Variants in DLG2 observed in about 807,000 individuals in gnomAD.
DLG2 encodes the protein discs large MAGUK scaffold protein 2, also known as disks large homolog 2.
DLG2 carries 45 observed loss-of-function variants against 132.5 expected under a neutral mutation model. That is an observed-to-expected ratio of 0.34 (90% confidence interval 0.27 to 0.44). The LOEUF (loss-of-function observed/expected upper bound fraction) is 0.44. DLG2 is among the 20% of genes least tolerant of loss of function. The pLI is 1.00. For synonymous variants in DLG2, 424 were observed against 419.6 expected (o/e 1.01, Z -0.13); for missense variants, 1,045 against 1,196.9 (o/e 0.87, Z 1.87).
At chr11:85,286,876 C>A (rs1159163988) in intron 3 of DLG2, among the ~76,000 whole-genome samples, 1 of 151,870 alleles carries the variant, frequency 6.6e-6, no homozygotes, top group Non-Finnish European at 1.5e-5. Flanking sequence ...TCTTATAGCC[C>A]CAGCAAATAA....
chr11:84,741,320 C>T (rs2064631197), intron 6 of DLG2, among the ~76,000 whole-genome samples: 1 of 152,030 alleles, frequency 6.6e-6, no homozygotes, highest in African/African-American at 2.4e-5. Flanking sequence ...TCCCAAAGTG[C>T]TGGGATTACA....
intron 3 of DLG2, among the ~76,000 whole-genome samples, chr11:85,435,562 G>A (rs372370909): frequency 8.9e-4 from 136 of 152,108 alleles, no homozygotes; most frequent in African/African-American, 3.0e-3. Context: ...CCCATTCACA[G>A]TTGCCACAAA....
chr11:83,786,653 A>C, intron 18 of DLG2, 37 bp downstream of exon 18: 4 of 1,526,588 alleles, frequency 2.6e-6, no homozygotes, highest in Non-Finnish European at 3.6e-6. Context: ...CCACACAGAG[A>C]CATATCAGAA....
In DLG2 at chr11:85,246,409, T is replaced by C. The variant is rs376908351; in HGVS notation, c.186+38811A>G. The stretch of plus-strand genomic sequence containing the variant: ...GGAAATATGAACCTTGAATTCCATA[T>C]CAAAACTATTTGTCTATCAACAAAA... On this transcript the variant is annotated intron_variant, in intron 4 of 27. Coordinates refer to ENST00000376104, the MANE Select transcript of DLG2 (RefSeq NM_001142699.3). Among the ~76,000 whole-genome samples the C allele has an allele frequency of 5.9e-5, 9 of 152,014 alleles. No individual in the cohort carries two copies. In the South Asian group the frequency reaches 1.9e-3, roughly 32 times the overall value.
At chr11:85,321,621 A>G (rs2152825054) in intron 3 of DLG2, among the ~76,000 whole-genome samples, 1 of 152,178 alleles carries the variant, frequency 6.6e-6, no homozygotes, top group African/African-American at 2.4e-5. Context: ...TCTAGGTAAG[A>G]TGACTAAGAA....
At chr11:84,017,491 T>C (rs1410731023) in intron 11 of DLG2, among the ~76,000 whole-genome samples, 1 of 152,036 alleles carries the variant, frequency 6.6e-6, no homozygotes, top group Non-Finnish European at 1.5e-5. Context: ...TCACAAATTA[T>C]GTATCTAATC....
intron 6 of DLG2, among the ~76,000 whole-genome samples, chr11:84,897,491 T>C (rs1005622707): frequency 6.6e-6 from 1 of 151,872 alleles, no homozygotes; most frequent in African/African-American, 2.4e-5. Flanking sequence ...GAGATTAAAA[T>C]AATATTTATA....
At chr11:85,459,561 T>C (rs541140782) in intron 3 of DLG2, among the ~76,000 whole-genome samples, 21 of 152,126 alleles carry the variant, frequency 1.4e-4, no homozygotes, top group African/African-American at 4.3e-4. Flanking sequence ...TGGGTGGCTA[T>C]TATGTGGTGC....
At position 84,669,169 on chromosome 11, in the gene DLG2, G is replaced by A. The variant is rs942714066; in HGVS notation, c.358-134438C>T. Among the ~76,000 whole-genome samples the A allele has an allele frequency of 2.0e-5, 3 of 152,014 alleles. No homozygotes were observed. In the East Asian group the frequency reaches 5.8e-4, roughly 29 times the overall value. ...CAAGCATGTGCTTGGTGGTTGGGGG[G>A]AATAAAAGGGGAGTTGGGGTCTGGC... On this transcript the variant is annotated intron_variant, in intron 6 of 27. Coordinates refer to ENST00000376104, the MANE Select transcript of DLG2 (RefSeq NM_001142699.3).
chr11:85,575,441 T>C (rs1326948923), intron 3 of DLG2, among the ~76,000 whole-genome samples: 1 of 150,432 alleles, frequency 6.6e-6, no homozygotes, highest in Non-Finnish European at 1.5e-5. Context: ...GAGGCTGAGA[T>C]GGATGGGAGG....
intron 14 of DLG2, among the ~76,000 whole-genome samples, chr11:83,936,622 G>A (rs1338154594): frequency 2.6e-5 from 4 of 152,170 alleles, no homozygotes; most frequent in Non-Finnish European, 5.9e-5. Context: ...GAGTTTATTG[G>A]AAGATTGAGG....
At chr11:85,009,776 C>T (rs1306746250) in intron 6 of DLG2, among the ~76,000 whole-genome samples, 1 of 151,964 alleles carries the variant, frequency 6.6e-6, no homozygotes, top group African/African-American at 2.4e-5. Flanking sequence ...CTATTGCTAT[C>T]GATTTCTATA....
intron 7 of DLG2, among the ~76,000 whole-genome samples, chr11:84,457,233 T>C (rs998654285): frequency 3.3e-5 from 5 of 151,176 alleles, no homozygotes; most frequent in African/African-American, 4.8e-5. Flanking sequence ...TAAAAAGTAC[T>C]ATCTCCATAT....
chr11:84,997,954 G>C (rs2057820478), intron 6 of DLG2, among the ~76,000 whole-genome samples: 1 of 152,180 alleles, frequency 6.6e-6, no homozygotes, highest in Non-Finnish European at 1.5e-5. Context: ...TACCAGTCAT[G>C]AGTTTAAAGA....
rs2062561090 is a variant in DLG2, at chr11:85,048,381, TG to T, written c.357+63279del. Among the ~76,000 whole-genome samples, 3 of 151,774 alleles carry T rather than the reference TG, an allele frequency of 2.0e-5. No individual in the cohort carries two copies. The South Asian group carries it at 6.2e-4, about 31-fold the overall frequency. On this transcript the variant is annotated intron_variant, in intron 6 of 27. Transcript: ENST00000376104. ...GAAGTCTATCAAATTAAAGACAGGA[TG>T]GGGAATAAAAGATCACTTACTATCG...
intron 6 of DLG2, among the ~76,000 whole-genome samples, chr11:84,889,517 G>C (rs951906174): frequency 5.3e-5 from 8 of 152,130 alleles, no homozygotes; most frequent in African/African-American, 1.7e-4. Flanking sequence ...ACAGACAACA[G>C]TATAGACAAG....
At chr11:83,851,176 CAAAA>C (rs34436884) in intron 16 of DLG2, among the ~76,000 whole-genome samples, 3 of 129,986 alleles carry the variant, frequency 2.3e-5, no homozygotes, top group Non-Finnish European at 1.7e-5. Context: ...GACTCCGTCT[CAAAA>C]AAAAAAAAAA....
rs115958082 is a variant in DLG2, at chr11:85,364,447, G to A, written c.41-79082C>T. 3.1e-3 allele frequency among the ~76,000 whole-genome samples: 467 copies of A among 152,212 alleles called. 1 individual carries two copies. Among genetic ancestry groups the A allele is most frequent in the African/African-American group, 0.01 (435 of 41,532 alleles). On this transcript the variant is annotated intron_variant, in intron 3 of 27. Coordinates refer to ENST00000376104, the MANE Select transcript of DLG2 (RefSeq NM_001142699.3). ...ATATAATAAATACCCTAGCTGCTTC[G>A]TCACTGTGGGTGACAGAGATATAAT...
intron 6 of DLG2, among the ~76,000 whole-genome samples, chr11:84,591,223 C>CTCTGTCTGTG (rs1555073566): frequency 1.2e-4 from 17 of 139,290 alleles, no homozygotes; most frequent in African/African-American, 4.6e-4. Context: ...ATGTGTCTCT[C>CTCTGTCTGTG]TGTGTGTGTG....
Sources: gnomAD v4.1 joint callset for allele counts (sites outside exome capture counted in the v4.1 genomes callset) on GRCh38, gnomAD v4.1.1 for gene constraint, MANE v1.5 for transcripts, NCBI Gene and HGNC (gene_info 2026-07-23, HGNC 2026-07-21) for gene names.